The following DCAF8L2 variants were observed in gnomAD, a reference collection of about 807,000 sequenced individuals.
The protein encoded by DCAF8L2 is DDB1 and CUL4 associated factor 8 like 2.
For missense variants in DCAF8L2, 430 were observed against 490.7 expected (o/e 0.88, Z 1.17); for synonymous variants, 200 against 190.9 (o/e 1.05, Z -0.39).
At chrX:27,528,357 C>T in the DCAF8L2 span, among the ~76,000 whole-genome samples, 9 of 106,373 alleles carry the variant, frequency 8.5e-5, no homozygotes, top group African/African-American at 2.7e-4. Context: ...TCATAGTATT[C>T]TGATTTCTAA....
At chrX:27,606,275 A>T (rs1339917959) in intron 1 of DCAF8L2, among the ~76,000 whole-genome samples, 1 of 90,762 alleles carries the variant, frequency 1.1e-5, no homozygotes, top group Non-Finnish European at 2.1e-5. Flanking sequence ...TATAGGAATT[A>T]TATATATATA....
intron 2 of DCAF8L2, among the ~76,000 whole-genome samples, chrX:27,636,041 G>T (rs747676357): frequency 6.3e-5 from 7 of 111,108 alleles, no homozygotes; most frequent in Non-Finnish European, 1.3e-4. Flanking sequence ...TTGAAGTCCT[G>T]ACCTCAGATG....
chrX:27,533,208 AAGAAAGAAAGAAAGAAAGAAAGAAAG>A, the DCAF8L2 span, among the ~76,000 whole-genome samples: 2,934 of 52,864 alleles, frequency 0.056, 499 homozygotes, highest in South Asian at 0.096. Flanking sequence ...GAAAGAAAGA[AAGAAAGAAAGAAAGAAAGAAAGAAAG>A]AGAAAGAAAG....
intron 4 of DCAF8L2, 53 bp downstream of exon 4, chrX:27,716,224 C>T (rs1192051342): frequency 9.0e-6 from 1 of 111,674 alleles, no homozygotes; most frequent in African/African-American, 3.3e-5. Flanking sequence ...TCCTAGAAGA[C>T]CTGTGATTGC....
chrX:27,704,173 T>TATATATATATATATATATATATAC (rs757835089), intron 3 of DCAF8L2, among the ~76,000 whole-genome samples: 3 of 44,272 alleles, frequency 6.8e-5, no homozygotes, highest in African/African-American at 3.0e-4. Flanking sequence ...TATATATATA[T>TATATATATATATATATATATATAC]ACATATACAC....
upstream of DCAF8L2, among the ~76,000 whole-genome samples, chrX:27,588,647 G>GT (rs76299462): frequency 0.16 from 17,465 of 109,899 alleles, 1,144 homozygotes; most frequent in East Asian, 0.35. Context: ...AGCATATGTT[G>GT]TTTTTTTACT....
chrX:27,648,052 CA>C (rs1352402813), intron 2 of DCAF8L2, among the ~76,000 whole-genome samples: 2 of 111,011 alleles, frequency 1.8e-5, no homozygotes, highest in Middle Eastern at 4.7e-3. Flanking sequence ...AAAAAGAATT[CA>C]CAGGCTGACT....
At chrX:27,537,628 T>G in the DCAF8L2 span, among the ~76,000 whole-genome samples, 2 of 112,349 alleles carry the variant, frequency 1.8e-5, no homozygotes, top group Non-Finnish European at 3.8e-5. Context: ...ATGTGGTAAA[T>G]GCACTGATGA....
At chrX:27,745,823 T>C (rs1349557223) in intron 4 of DCAF8L2, among the ~76,000 whole-genome samples, 1 of 111,940 alleles carries the variant, frequency 8.9e-6, no homozygotes, top group African/African-American at 3.2e-5. Flanking sequence ...TCTGTAGAGC[T>C]GTTTTCTGTT....
In DCAF8L2 at chrX:27,720,653, G is replaced by A. The variant is rs1297480082; in HGVS notation, c.-59+4482G>A. ...CTCCCAAAGTGCTGGGATTTCAGGC[G>A]TGAGCCACCGCGCCCTGCCGATTAT... On this transcript the variant is annotated intron_variant, in intron 4 of 4. Transcript: ENST00000451261. 4.6e-4 allele frequency among the ~76,000 whole-genome samples: 52 copies of A among 111,978 alleles called. 1 individual carries two copies. Among genetic ancestry groups the A allele is most frequent in the African/African-American group, 2.9e-4 (9 of 30,875 alleles).
At chrX:27,696,577 T>C (rs1305182239) in intron 3 of DCAF8L2, among the ~76,000 whole-genome samples, 3 of 112,366 alleles carry the variant, frequency 2.7e-5, no homozygotes, top group African/African-American at 6.5e-5. Context: ...CTCATAGTTT[T>C]CCAAAGTCTG....
intron 4 of DCAF8L2, among the ~76,000 whole-genome samples, chrX:27,719,173 A>G (rs1047213932): frequency 9.0e-6 from 1 of 111,323 alleles, no homozygotes. Context: ...CATCCCCACC[A>G]GCAATGTATG....
the DCAF8L2 span, among the ~76,000 whole-genome samples, chrX:27,583,274 T>C: frequency 8.9e-6 from 1 of 111,846 alleles, no homozygotes; most frequent in Non-Finnish European, 1.9e-5. Context: ...CTATGTTCTT[T>C]CAACAATCCC....
chrX:27,734,994 C>G (rs1921441830), intron 4 of DCAF8L2, among the ~76,000 whole-genome samples: 1 of 111,760 alleles, frequency 8.9e-6, no homozygotes, highest in African/African-American at 3.3e-5. Flanking sequence ...TTCATAAACA[C>G]TATAGTTTTA....
chrX:27,509,705 T>C, the DCAF8L2 span, among the ~76,000 whole-genome samples: 10 of 111,802 alleles, frequency 8.9e-5, no homozygotes, highest in African/African-American at 3.2e-4. Context: ...GATTTACTCT[T>C]TTGTTCTTTT....
chrX:27,748,585 C>A lies in DCAF8L2; in HGVS notation c.1690C>A (p.Arg564=), dbSNP rs1412736647. 3 of 1,207,805 alleles carry A rather than the reference C, an allele frequency of 2.5e-6. No homozygotes were observed. In the South Asian group the frequency reaches 5.3e-5, roughly 21 times the overall value. ...GGTGATTAAGAAGAACAAGTGGGAA[C>A]GAGATGAAGACAGCTTGCACCATGG... ...KKVIKKNKWE[R]DEDSLHHGSL... Residue 564 remains arginine, a synonymous_variant, in exon 5 of 5, where the codon CGA becomes AGA. Coordinates refer to ENST00000451261, the MANE Select transcript of DCAF8L2 (RefSeq NM_001353450.2).
At chrX:27,598,481 T>C (rs1280296867) in intron 1 of DCAF8L2, among the ~76,000 whole-genome samples, 1 of 112,517 alleles carries the variant, frequency 8.9e-6, no homozygotes, top group Non-Finnish European at 1.9e-5. Context: ...GAGTTCTTGC[T>C]TCCCCCGCTA....
chrX:27,679,878 C>T (rs1003410622), intron 3 of DCAF8L2, among the ~76,000 whole-genome samples: 3 of 111,824 alleles, frequency 2.7e-5, no homozygotes, highest in African/African-American at 9.8e-5. Context: ...AATGGACAGG[C>T]TTTTGCTTTA....
chrX:27,568,814 C>T, the DCAF8L2 span, among the ~76,000 whole-genome samples: 1 of 107,888 alleles, frequency 9.3e-6, no homozygotes, highest in East Asian at 2.9e-4. Context: ...AATGCTATCC[C>T]TCCCCGCTCC....
Sources: gnomAD v4.1 joint callset for allele counts (sites outside exome capture counted in the v4.1 genomes callset) on GRCh38, gnomAD v4.1.1 for gene constraint, MANE v1.5 for transcripts, NCBI Gene and HGNC (gene_info 2026-07-23, HGNC 2026-07-21) for gene names.